RECQL5: variants seen among roughly 807,000 people sequenced by gnomAD.
The protein encoded by RECQL5 is ATP-dependent DNA helicase Q5.
Under a neutral mutation model 103.4 loss-of-function variants are expected in RECQL5, and 88 were observed. The ratio of observed to expected loss-of-function variants is 0.85; its 90% CI spans 0.72 to 1.02. The LOEUF (loss-of-function observed/expected upper bound fraction) is 1.02. Among genes scored for constraint, RECQL5 ranks in the 50% least tolerant of loss-of-function variants. RECQL5 has a pLI of 0.00. For synonymous variants in RECQL5, 552 were observed against 507.9 expected, an observed-to-expected ratio of 1.09 and a Z score of -1.17; for missense variants, 1,232 against 1,284.3, an observed-to-expected ratio of 0.96 and a Z score of 0.62.
Position 75,640,350 on chromosome 17 carries a change from C to A in RECQL5, c.1230-8682G>T. On this transcript the variant is annotated intron_variant, in intron 8 of 19. Transcript: ENST00000317905. This position sits in a 1 kb window ranked among gnomAD's most constrained non-coding sequence, Gnocchi z 4.6. ...ACAGGTTAGTTGGGGCACTCAGCAC[C>A]CCATGGCTCTCCCTGGCATCTGGGA... 6.6e-7 allele frequency: 1 copy of A among 1,523,248 alleles called. No individual in the cohort carries two copies. Among genetic ancestry groups the A allele is most frequent in the Non-Finnish European group, 8.8e-7 (1 of 1,130,626 alleles). 94.4% of individuals were successfully genotyped at this position (1,523,248 alleles called of 1,614,324 possible).
At chr17:75,666,690 ATT>A in intron 1 of RECQL5, 119 bp from the exon 2 acceptor site, 3 of 969,162 alleles carry the variant, frequency 3.1e-6, no homozygotes, top group South Asian at 1.8e-5. Flanking sequence ...ATAATGTATT[ATT>A]TTTAAGTAAT....
intron 14 of RECQL5, 56 bp downstream of exon 14, chr17:75,630,128 G>C (rs820193): frequency 1 from 1,405,029 of 1,407,716 alleles, 701,228 homozygotes; most frequent in East Asian, 1. Flanking sequence ...CAGCTTCTGC[G>C]TCAGAGTATG....
Position 75,640,454 on chromosome 17 carries a change from C to T in RECQL5, c.1230-8786G>A. The T allele has an allele frequency of 7.2e-7, 1 of 1,397,186 alleles. No individual in the cohort carries two copies. The highest frequency in any genetic ancestry group is 1.5e-5 in the South Asian group (1 of 66,024). 86.5% of individuals were successfully genotyped at this position (1,397,186 alleles called of 1,614,324 possible). ...CGGATCAAGGAGGAAAACCAGTTGT[C>T]CCTTGGGGGAAGCCAAGGGACTTCC... is the stretch of plus-strand genomic sequence containing the variant. On this transcript the variant is annotated intron_variant, in intron 8 of 19. Coordinates refer to ENST00000317905, the MANE Select transcript of RECQL5 (RefSeq NM_004259.7). The surrounding 1 kb of genome is among the most constrained non-coding windows in gnomAD (Gnocchi z 4.6).
At chr17:75,642,805 C>T (rs148315516) in intron 8 of RECQL5, among the ~76,000 whole-genome samples, 228 of 152,312 alleles carry the variant, frequency 1.5e-3, no homozygotes, top group Middle Eastern at 0.014. Context: ...GAAGCTGGGC[C>T]TCAGCGATGT....
At chr17:75,633,320 G>A (rs1027495505) in intron 8 of RECQL5, 2 of 674,484 alleles carry the variant, frequency 3.0e-6, no homozygotes, top group Non-Finnish European at 4.2e-6. Context: ...CGGGGCTGGG[G>A]TCGGTTTCTC....
intron 8 of RECQL5, among the ~76,000 whole-genome samples, chr17:75,644,828 C>CAAA (rs61339782): frequency 9.5e-5 from 13 of 136,538 alleles, no homozygotes; most frequent in South Asian, 2.3e-4. Flanking sequence ...GACTCTGCCT[C>CAAA]AAAAAAAAAA....
chr17:75,644,248 T>C (rs1045257894), intron 8 of RECQL5, among the ~76,000 whole-genome samples: 1 of 152,014 alleles, frequency 6.6e-6, no homozygotes, highest in African/African-American at 2.4e-5. Context: ...GAGGTTGCAG[T>C]GAGCTGAGAT....
At chr17:75,635,933 G>T in intron 8 of RECQL5, 1 of 878,732 alleles carries the variant, frequency 1.1e-6, no homozygotes, top group Non-Finnish European at 1.4e-6. Context: ...TCTGGCCTGC[G>T]GGATGCCTGC....
At chr17:75,655,037 C>G (rs753809600) in intron 7 of RECQL5, among the ~76,000 whole-genome samples, 1 of 152,200 alleles carries the variant, frequency 6.6e-6, no homozygotes, top group Non-Finnish European at 1.5e-5. Context: ...GAGATCCTCC[C>G]ATGTCATTCT....
intron 8 of RECQL5, among the ~76,000 whole-genome samples, chr17:75,642,680 G>A (rs1046231819): frequency 6.6e-6 from 1 of 151,004 alleles, no homozygotes; most frequent in Non-Finnish European, 1.5e-5. Context: ...AAAATTTACT[G>A]AGGAGTTACA....
chr17:75,631,199 T>C lies in RECQL5; in HGVS notation c.1499A>G (p.His500Arg). 1 of 1,613,964 alleles carries C rather than the reference T, an allele frequency of 6.2e-7. No individual in the cohort carries two copies. Among genetic ancestry groups the C allele is most frequent in the Non-Finnish European group, 8.5e-7 (1 of 1,180,024 alleles). Residue 500 changes from histidine (H) to arginine (R), a missense_variant, in exon 10 of 20, where the codon CAC becomes CGC. Coordinates refer to ENST00000317905, the MANE Select transcript of RECQL5 (RefSeq NM_004259.7). ...ATAGAAGAGGTTCCACTCCCGCTTG[T>C]GGGCCTCATCTCTGCCTTCATCCCC... The part of the protein sequence containing the change: ...GSGDEGRDEA[H>R]KREWNLFYQK...
At chr17:75,641,209 T>G in intron 8 of RECQL5, 1 of 313,140 alleles carries the variant, frequency 3.2e-6, no homozygotes. Flanking sequence ...GGGGTCCCCA[T>G]ACCTTGATGG....
chr17:75,630,729 C>T lies in RECQL5; in HGVS notation c.1645-37G>A, dbSNP rs200544497. On this transcript the variant is annotated intron_variant, in intron 12 of 19. Coordinates refer to ENST00000317905, the MANE Select transcript of RECQL5 (RefSeq NM_004259.7). ...CAGTGAGACTGGTCGCATGGCCTCG[C>T]GGCTGGGGGAGGGCCCCGGCGGGTG... 1.1e-4 allele frequency: 180 copies of T among 1,601,574 alleles called. 1 individual carries two copies. The highest frequency in any genetic ancestry group is 6.8e-4 in the South Asian group (62 of 90,688).
intron 6 of RECQL5, among the ~76,000 whole-genome samples, chr17:75,660,272 G>A (rs1599055625): frequency 6.6e-6 from 1 of 152,174 alleles, no homozygotes; most frequent in Non-Finnish European, 1.5e-5. Context: ...GTTTGGCCAC[G>A]TTGCCCAAGC....
At chr17:75,665,310 C>T in intron 2 of RECQL5, 138 bp from the exon 3 acceptor site, 1 of 713,616 alleles carries the variant, frequency 1.4e-6, no homozygotes, top group Admixed American at 3.4e-5. Context: ...TCCTAATTCC[C>T]CTCCTGTCCT....
chr17:75,634,379 C>T (rs1413788858), intron 8 of RECQL5, among the ~76,000 whole-genome samples: 1 of 152,230 alleles, frequency 6.6e-6, no homozygotes, highest in African/African-American at 2.4e-5. Flanking sequence ...ACTCTCCCTG[C>T]TGCTGGGACC....
chr17:75,634,635 T>C (rs1376005487), intron 8 of RECQL5, among the ~76,000 whole-genome samples: 1 of 152,174 alleles, frequency 6.6e-6, no homozygotes, highest in Non-Finnish European at 1.5e-5. Flanking sequence ...CCAGCCAGCA[T>C]GCGGCGCCCC....
At chr17:75,659,927 G>T (rs550491572) in intron 6 of RECQL5, among the ~76,000 whole-genome samples, 3 of 152,266 alleles carry the variant, frequency 2.0e-5, no homozygotes, top group Admixed American at 2.0e-4. Flanking sequence ...GATGCACCCC[G>T]ACTCTTCTAG....
At position 75,665,043 on chromosome 17, in the gene RECQL5, A is replaced by C. The variant is rs1162842047; in HGVS notation, c.252+8T>G. 6.3e-7 allele frequency: 1 copy of C among 1,584,634 alleles called. No homozygotes were observed. Among genetic ancestry groups the C allele is most frequent in the Admixed American group, 1.9e-5 (1 of 53,356 alleles). On this transcript the variant is annotated splice_region_variant and intron_variant, in intron 3 of 19. Transcript: ENST00000317905. ...TTGGGCTACCATCTTCATTGCCCTAAGCCTCACCTGAATCAAAGCAATGAG... is the reference window on the plus strand; with the variant it reads ...TTGGGCTACCATCTTCATTGCCCTACGCCTCACCTGAATCAAAGCAATGAG...
Sources: allele counts gnomAD v4.1 joint callset (sites outside exome capture counted in the v4.1 genomes callset), GRCh38; gene constraint gnomAD v4.1.1; non-coding constraint Gnocchi (gnomAD v3.1); transcripts MANE v1.5; gene names NCBI Gene and HGNC (gene_info 2026-07-23, HGNC 2026-07-21).